The following ZNF624 variants were observed in gnomAD, a reference collection of about 807,000 sequenced individuals.
ZNF624 encodes the protein zinc finger protein 624.
Under a neutral mutation model 74.7 loss-of-function variants are expected in ZNF624, and 43 were observed. The ratio of observed to expected loss-of-function variants is 0.58; its 90% CI spans 0.45 to 0.74. The LOEUF (loss-of-function observed/expected upper bound fraction) is 0.74. ZNF624 is among the 30% of genes least tolerant of loss of function. The pLI is 0.00. For synonymous variants in ZNF624, 331 were observed against 341.3 expected, an observed-to-expected ratio of 0.97 and a Z score of 0.33; for missense variants, 820 against 1,030.0, an observed-to-expected ratio of 0.80 and a Z score of 2.79.
chr17:16,622,841 T>A lies in ZNF624; in HGVS notation c.2045A>T (p.Gln682Leu). ...ATGCCTTCGTTGGTGCACGGTAAGC[T>A]GTGATGTATTAGTGAAGGCTTTCTC... Reference protein sequence around the residue: ...ECEKAFTNTSQLTVHQRRHTG... With the variant: ...ECEKAFTNTSLLTVHQRRHTG... Residue 682 changes from glutamine to leucine, a missense_variant, in exon 6 of 6, where the codon CAG becomes CTG. Coordinates refer to ENST00000311331, the MANE Select transcript of ZNF624 (RefSeq NM_020787.4). 6.2e-7 allele frequency: 1 copy of A among 1,614,042 alleles called. No individual in the cohort carries two copies. The highest frequency in any genetic ancestry group is 8.5e-7 in the Non-Finnish European group (1 of 1,179,962).
chr17:16,648,351 A>G (rs899944338), intron 2 of ZNF624, among the ~76,000 whole-genome samples: 1 of 130,352 alleles, frequency 7.7e-6, no homozygotes, highest in Non-Finnish European at 1.5e-5. Context: ...TAATAAAACT[A>G]CATAAAGATC....
At chr17:16,629,950 T>A (rs1276927213) in intron 5 of ZNF624, among the ~76,000 whole-genome samples, 1 of 152,276 alleles carries the variant, frequency 6.6e-6, no homozygotes, top group Admixed American at 6.5e-5. Context: ...AGTCCATAAG[T>A]GAAGTTTTAG....
At chr17:16,618,014 C>T, downstream of ZNF624, 1 of 609,432 alleles carries the variant, frequency 1.6e-6, no homozygotes, top group South Asian at 2.0e-5. Context: ...AGTCCAGCCA[C>T]ACAATGGTTA....
intron 1 of ZNF624, among the ~76,000 whole-genome samples, chr17:16,650,304 C>A (rs1224906525): frequency 6.6e-6 from 1 of 151,928 alleles, no homozygotes; most frequent in African/African-American, 2.4e-5. Context: ...ACTACGACTT[C>A]AAAATTTAAA....
intron 5 of ZNF624, among the ~76,000 whole-genome samples, chr17:16,629,461 A>G (rs887773414): frequency 6.6e-6 from 1 of 152,066 alleles, no homozygotes; most frequent in Non-Finnish European, 1.5e-5. Context: ...ATGAGCAACA[A>G]TTAGATCAGA....
chr17:16,653,646 G>C (rs1396931955), intron 1 of ZNF624, 118 bp downstream of exon 1: 1 of 152,678 alleles, frequency 6.5e-6, no homozygotes, highest in African/African-American at 2.4e-5. Context: ...GGAGTGGGCG[G>C]GTCCGCTCAG....
In ZNF624 at chr17:16,649,825, A is replaced by G. The variant is rs1909678684; in HGVS notation, c.-2-79T>C. 6 of 1,132,046 alleles carry G rather than the reference A, an allele frequency of 5.3e-6. No individual in the cohort carries two copies. The South Asian group carries it at 7.7e-5, about 14-fold the overall frequency. The allele number at this position is 1,132,046 out of a possible 1,614,324, so 70.1% of individuals were successfully genotyped here. A position where few individuals can be genotyped will look rare whatever the true frequency, so the allele number is the denominator to read the frequency against. ...TCACCAAGTTGGAATCCTGACATAC[A>G]AGTGAGCATGACCTCCCTAAGGAAG... On this transcript the variant is annotated intron_variant, in intron 1 of 5. Transcript: ENST00000311331.
chr17:16,618,267 T>G (rs1908832630), downstream of ZNF624, among the ~76,000 whole-genome samples: 1 of 152,008 alleles, frequency 6.6e-6, no homozygotes, highest in South Asian at 2.1e-4. Context: ...TGAGCCGAGA[T>G]TGTGCCACTG....
chr17:16,649,600 A>G (rs1248465992), intron 2 of ZNF624, 58 bp downstream of exon 2: 2 of 1,508,684 alleles, frequency 1.3e-6, no homozygotes, highest in Non-Finnish European at 1.8e-6. Context: ...GCCTTCAGGC[A>G]AAGTAAACAT....
the ZNF624 span, among the ~76,000 whole-genome samples, chr17:16,614,871 G>A: frequency 2.0e-5 from 3 of 152,124 alleles, no homozygotes. Context: ...TTCCAGGAAT[G>A]CAAATTGCTT....
chr17:16,617,050 G>A (rs1908805624), downstream of ZNF624: 2 of 1,610,470 alleles, frequency 1.2e-6, no homozygotes, highest in African/African-American at 2.7e-5. Flanking sequence ...GGGGGATCCG[G>A]ACCGAGACCT....
chr17:16,651,034 A>T (rs1313439924), intron 1 of ZNF624, among the ~76,000 whole-genome samples: 2 of 152,316 alleles, frequency 1.3e-5, no homozygotes, highest in East Asian at 3.9e-4. Flanking sequence ...AATATTAGAG[A>T]TATAAAAATT....
At chr17:16,636,442 C>G (rs777649656) in intron 3 of ZNF624, among the ~76,000 whole-genome samples, 1 of 152,180 alleles carries the variant, frequency 6.6e-6, no homozygotes, top group Non-Finnish European at 1.5e-5. Flanking sequence ...GAATCATCAG[C>G]AGCTGCTAAC....
Position 16,622,935 on chromosome 17 carries a change from T to C in ZNF624, c.1951A>G (p.Thr651Ala). The C allele has an allele frequency of 2.5e-6, 4 of 1,614,052 alleles. No homozygotes were observed. Among genetic ancestry groups the C allele is most frequent in the Non-Finnish European group, 3.4e-6 (4 of 1,179,968 alleles). Residue 651 changes from threonine to alanine, a missense_variant, in exon 6 of 6, where the codon ACT becomes GCT. By Grantham distance (58) the Thr-to-Ala change is moderately conservative. Coordinates refer to ENST00000311331, the MANE Select transcript of ZNF624 (RefSeq NM_020787.4). Reference sequence around the variant, plus strand: ...TGATGTACAATAAGGTATGATTTAGTCCTAAAGGACTTTCCACAGTCATAA... The same window carrying C: ...TGATGTACAATAAGGTATGATTTAGCCCTAAAGGACTTTCCACAGTCATAA... ...KCYDCGKSFRTKSYLIVHQRT... is the reference protein window; with the variant it reads ...KCYDCGKSFRAKSYLIVHQRT...
chr17:16,644,206 C>T (rs1191946516), intron 3 of ZNF624, among the ~76,000 whole-genome samples: 1 of 152,082 alleles, frequency 6.6e-6, no homozygotes, highest in Non-Finnish European at 1.5e-5. Flanking sequence ...CCAAATAAAC[C>T]CCTTTTCTTT....
rs985607123 is a variant in ZNF624, at chr17:16,621,606, T to A, written c.*682A>T. 1.3e-5 allele frequency: 2 copies of A among 152,226 alleles called. No homozygotes were observed. Among genetic ancestry groups the A allele is most frequent in the Admixed American group, 1.3e-4 (2 of 15,288 alleles). 9.4% of individuals were successfully genotyped at this position (152,226 alleles called of 1,614,324 possible). On this transcript the variant is annotated 3_prime_UTR_variant, in exon 6 of 6. Coordinates refer to ENST00000311331, the MANE Select transcript of ZNF624 (RefSeq NM_020787.4). ...GGGGAAGTTTCATCTCACTGAGCAT[T>A]TCAATTTGCATTTCCCTGAGTGCTT...
Position 16,638,563 on chromosome 17 carries a change from G to A in ZNF624, c.154-3807C>T, listed in dbSNP as rs568870179. 2.9e-4 allele frequency among the ~76,000 whole-genome samples: 44 copies of A among 152,226 alleles called. 1 individual carries two copies. The highest frequency in any genetic ancestry group is 2.8e-3 in the Admixed American group (43 of 15,298). On this transcript the variant is annotated intron_variant, in intron 3 of 5. Coordinates refer to ENST00000311331, the MANE Select transcript of ZNF624 (RefSeq NM_020787.4). The stretch of plus-strand genomic sequence containing the variant: ...AATGAAGAGTTCATGTCCTTTGTAG[G>A]GACATGGATGAAACTGGAAACCATC...
chr17:16,617,075 C>T, downstream of ZNF624: 1 of 1,612,304 alleles, frequency 6.2e-7, no homozygotes. Context: ...CGATATTTCT[C>T]ATACTCATCC....
At chr17:16,640,094 A>G (rs1363133387) in intron 3 of ZNF624, among the ~76,000 whole-genome samples, 2 of 152,230 alleles carry the variant, frequency 1.3e-5, no homozygotes, top group Non-Finnish European at 2.9e-5. Context: ...ATTTCACTAA[A>G]TAGAAATTTT....
Sources: gnomAD v4.1 joint callset for allele counts (sites outside exome capture counted in the v4.1 genomes callset) on GRCh38, gnomAD v4.1.1 for gene constraint, MANE v1.5 for transcripts, NCBI Gene and HGNC (gene_info 2026-07-23, HGNC 2026-07-21) for gene names.